The following BAZ2B variants were observed in gnomAD, a reference collection of about 807,000 sequenced individuals.
BAZ2B encodes the protein bromodomain adjacent to zinc finger domain protein 2B.
Under a neutral mutation model 246.0 loss-of-function variants are expected in BAZ2B, and 91 were observed. That is an observed-to-expected ratio of 0.37 (90% CI 0.31 to 0.44). The LOEUF (loss-of-function observed/expected upper bound fraction) is 0.44, where lower values mean the gene tolerates loss of function less well. Among genes scored for constraint, BAZ2B ranks in the 20% least tolerant of loss-of-function variants. BAZ2B has a pLI of 1.00. For missense variants in BAZ2B, 2,332 were observed against 2,533.7 expected (o/e 0.92, Z 1.71); for synonymous variants, 855 against 860.0 (o/e 0.99, Z 0.10).
chr2:159,527,593 A>T (rs2084899707), intron 2 of BAZ2B, among the ~76,000 whole-genome samples: 1 of 152,180 alleles, frequency 6.6e-6, no homozygotes, highest in Non-Finnish European at 1.5e-5. Context: ...ATTTAAATGT[A>T]TGATCCAAAC....
chr2:159,359,542 T>C (rs1168167308), intron 27 of BAZ2B, among the ~76,000 whole-genome samples: 1 of 152,200 alleles, frequency 6.6e-6, no homozygotes, highest in East Asian at 1.9e-4. Flanking sequence ...AGCGAGCTGC[T>C]ACCATTCCTT....
intron 10 of BAZ2B, 85 bp downstream of exon 10, chr2:159,430,778 A>C (rs1474232467): frequency 2.6e-6 from 4 of 1,518,994 alleles, no homozygotes; most frequent in Middle Eastern, 1.9e-4. Context: ...TTCCAGTGAG[A>C]TCATCTCCAG....
chr2:159,502,977 T>C (rs891767369), intron 2 of BAZ2B, among the ~76,000 whole-genome samples: 1 of 152,202 alleles, frequency 6.6e-6, no homozygotes, highest in Non-Finnish European at 1.5e-5. Context: ...ATATATCTTC[T>C]CTCTATTCCC....
chr2:159,542,610 C>T (rs547479540), intron 2 of BAZ2B, among the ~76,000 whole-genome samples: 1 of 151,368 alleles, frequency 6.6e-6, no homozygotes, highest in African/African-American at 2.4e-5. Flanking sequence ...GCAATCCAGC[C>T]CAGGCAAGAG....
chr2:159,527,715 C>T (rs1163815545), intron 2 of BAZ2B, among the ~76,000 whole-genome samples: 3 of 152,146 alleles, frequency 2.0e-5, no homozygotes, highest in African/African-American at 4.8e-5. Context: ...GTGGATACTA[C>T]TTAAAGTAGT....
the BAZ2B span, among the ~76,000 whole-genome samples, chr2:159,698,045 G>C: frequency 3.3e-5 from 5 of 152,090 alleles, no homozygotes; most frequent in Non-Finnish European, 5.9e-5. Context: ...GAGAGATTTT[G>C]AAAGTTTAGT....
the BAZ2B span, among the ~76,000 whole-genome samples, chr2:159,627,677 TAA>T: frequency 6.6e-6 from 1 of 152,080 alleles, no homozygotes; most frequent in African/African-American, 2.4e-5. Context: ...CTCAAAATAA[TAA>T]GAGCTATTTA....
At chr2:159,535,391 A>T (rs1256971857) in intron 2 of BAZ2B, among the ~76,000 whole-genome samples, 1 of 146,664 alleles carries the variant, frequency 6.8e-6, no homozygotes, top group Non-Finnish European at 1.5e-5. Context: ...GCATGGTGGC[A>T]TGTGCCTGTA....
chr2:159,661,110 C>T, the BAZ2B span, among the ~76,000 whole-genome samples: 1 of 152,134 alleles, frequency 6.6e-6, no homozygotes, highest in Non-Finnish European at 1.5e-5. Context: ...TTCTTCCTGT[C>T]CCCAGGCAAC....
chr2:159,351,572 A>G (rs1575926399), intron 27 of BAZ2B, among the ~76,000 whole-genome samples: 1 of 152,250 alleles, frequency 6.6e-6, no homozygotes, highest in East Asian at 1.9e-4. Context: ...ATATACTCAT[A>G]TTAAAGTAAC....
intron 2 of BAZ2B, among the ~76,000 whole-genome samples, chr2:159,547,643 T>C (rs1001529557): frequency 5.3e-5 from 8 of 152,176 alleles, no homozygotes; most frequent in African/African-American, 1.9e-4. Context: ...CAAGTCACCT[T>C]AATTCAGGAA....
chr2:159,444,558 C>T (rs1234569043), intron 6 of BAZ2B: 1 of 152,000 alleles, frequency 6.6e-6, no homozygotes, highest in Non-Finnish European at 1.5e-5. Flanking sequence ...TTCATTTGTT[C>T]CAGAAAATAT....
the BAZ2B span, among the ~76,000 whole-genome samples, chr2:159,704,680 C>T: frequency 6.6e-6 from 1 of 151,988 alleles, no homozygotes; most frequent in Non-Finnish European, 1.5e-5. Context: ...ATGGGCTTCA[C>T]TATGTTGGCC....
At chr2:159,708,882 G>A in the BAZ2B span, among the ~76,000 whole-genome samples, 2 of 151,992 alleles carry the variant, frequency 1.3e-5, no homozygotes, top group African/African-American at 4.8e-5. Context: ...TTTAAATACT[G>A]GCTTGGGGAA....
intron 19 of BAZ2B, chr2:159,396,974 T>C (rs1007237098): frequency 1.1e-5 from 10 of 939,276 alleles, no homozygotes; most frequent in African/African-American, 6.9e-5. Flanking sequence ...GTATGTAATA[T>C]GACAGCAGCC....
chr2:159,631,680 C>A, the BAZ2B span, among the ~76,000 whole-genome samples: 2 of 152,058 alleles, frequency 1.3e-5, no homozygotes, highest in Non-Finnish European at 2.9e-5. Flanking sequence ...AGAAACATAA[C>A]AAATGTGTAT....
the BAZ2B span, among the ~76,000 whole-genome samples, chr2:159,707,461 T>C: frequency 5.3e-5 from 8 of 151,802 alleles, no homozygotes; most frequent in African/African-American, 1.7e-4. Context: ...GAGGCCAAGG[T>C]GGGAGGATCA....
intron 1 of BAZ2B, among the ~76,000 whole-genome samples, chr2:159,571,172 A>G (rs1329015179): frequency 6.6e-6 from 1 of 152,064 alleles, no homozygotes; most frequent in African/African-American, 2.4e-5. Context: ...CTTTTTATCA[A>G]TTTGTTTTCT....
At chr2:159,658,856 G>T in the BAZ2B span, among the ~76,000 whole-genome samples, 756 of 152,170 alleles carry the variant, frequency 5.0e-3, 6 homozygotes, top group African/African-American at 0.017. Context: ...GTCTCCCTAT[G>T]TTGCCTGGGC....
Sources: allele counts gnomAD v4.1 joint callset (sites outside exome capture counted in the v4.1 genomes callset), GRCh38; gene constraint gnomAD v4.1.1; transcripts MANE v1.5; gene names NCBI Gene and HGNC (gene_info 2026-07-23, HGNC 2026-07-21).